TTC7A: variants seen among roughly 807,000 people sequenced by gnomAD.
TTC7A encodes the protein tetratricopeptide repeat domain 7A, also known as tetratricopeptide repeat protein 7A.
A neutral mutation model predicts 103.7 loss-of-function variants in TTC7A; 110 were observed. The observed-to-expected ratio is 1.06, with a 90% CI of 0.91 to 1.24. TTC7A has a LOEUF of 1.24. Ranked by LOEUF, TTC7A falls within the 50% of genes most tolerant of loss-of-function variation. TTC7A has a pLI of 0.00. For synonymous variants in TTC7A, 521 were observed against 467.9 expected (o/e 1.11, Z -1.47); for missense variants, 1,340 against 1,116.3 (o/e 1.20, Z -2.86).
intron 3 of TTC7A, chr2:46,958,618 G>C (rs1285307265): frequency 1.7e-6 from 2 of 1,166,256 alleles, no homozygotes; most frequent in East Asian, 5.8e-5. Flanking sequence ...CCGTTCCCCA[G>C]TGACTGCACA....
At chr2:46,930,599 A>C (rs1669643936) in intron 2 of TTC7A, among the ~76,000 whole-genome samples, 1 of 151,628 alleles carries the variant, frequency 6.6e-6, no homozygotes, top group African/African-American at 2.4e-5. Flanking sequence ...TCCCAGGTTC[A>C]AGCGATTCTC....
chr2:47,070,873 G>A (rs1036486612), intron 19 of TTC7A, among the ~76,000 whole-genome samples: 2 of 152,196 alleles, frequency 1.3e-5, no homozygotes, highest in Non-Finnish European at 2.9e-5. Flanking sequence ...ATCCCTGTGG[G>A]CTGGCAGCAC....
At position 46,944,903 on chromosome 2, in the gene TTC7A, ATTACGTT is replaced by A. The variant is rs533549346; in HGVS notation, c.184+3183_184+3189del. Reference sequence around the variant, plus strand: ...TATTACACCTTACAAAAATCTAACAATTACGTTTTACAATTAGTTATTAGAGTCAGGA... The same window carrying A: ...TATTACACCTTACAAAAATCTAACAATTACAATTAGTTATTAGAGTCAGGA... On this transcript the variant is annotated intron_variant, in intron 1 of 19. Coordinates refer to ENST00000319190, the MANE Select transcript of TTC7A (RefSeq NM_020458.4). 6.0e-3 allele frequency among the ~76,000 whole-genome samples: 907 copies of A among 152,252 alleles called. 10 individuals are homozygous for A. The highest frequency in any genetic ancestry group is 4.1e-3 in the Admixed American group (62 of 15,298).
intron 15 of TTC7A, among the ~76,000 whole-genome samples, chr2:47,044,615 A>T (rs980967718): frequency 2.0e-5 from 3 of 152,146 alleles, no homozygotes; most frequent in African/African-American, 7.2e-5. Context: ...GCATCCTAAG[A>T]ATTGAGAGAG....
At chr2:47,019,899 A>G (rs887210874) in intron 11 of TTC7A, among the ~76,000 whole-genome samples, 23 of 152,208 alleles carry the variant, frequency 1.5e-4, no homozygotes, top group Non-Finnish European at 7.3e-5. Flanking sequence ...CCAGGGGTAT[A>G]TTAGGAAGAA....
At chr2:46,995,798 G>T (rs1461743513) in intron 8 of TTC7A, among the ~76,000 whole-genome samples, 1 of 152,346 alleles carries the variant, frequency 6.6e-6, no homozygotes, top group East Asian at 1.9e-4. Flanking sequence ...CAGAGATGCC[G>T]CAGCAAACAA....
chr2:46,922,756 C>T (rs2103808956), intron 2 of TTC7A, among the ~76,000 whole-genome samples: 1 of 152,234 alleles, frequency 6.6e-6, no homozygotes, highest in East Asian at 1.9e-4. Flanking sequence ...GCTCTTCCCA[C>T]ACTGGAGGAA....
At chr2:47,036,254 A>C (rs758037775) in intron 15 of TTC7A, among the ~76,000 whole-genome samples, 3 of 152,200 alleles carry the variant, frequency 2.0e-5, no homozygotes, top group Admixed American at 6.5e-5. Context: ...GCCCTTCACC[A>C]GGTCAGGGAC....
rs1377951547 is a variant in TTC7A at position 47,007,362 on chromosome 2, A to G, written c.1287+638A>G. 1.3e-5 allele frequency among the ~76,000 whole-genome samples: 2 copies of G among 152,146 alleles called. No homozygotes were observed. The highest frequency in any genetic ancestry group is 2.4e-5 in the African/African-American group (1 of 41,426). ...TTGCTCCGATCAGAATTATACTTAC[A>G]TAAGCCTCTATTTTAAGCAGTGACA... On this transcript the variant is annotated intron_variant, in intron 10 of 19. Coordinates refer to ENST00000319190, the MANE Select transcript of TTC7A (RefSeq NM_020458.4). The surrounding 1 kb of genome is among the most constrained non-coding windows in gnomAD (Gnocchi z 4.9).
chr2:47,004,489 G>A (rs1027268367), intron 8 of TTC7A, among the ~76,000 whole-genome samples: 4 of 152,190 alleles, frequency 2.6e-5, no homozygotes, highest in Admixed American at 1.3e-4. Context: ...GGGTAGCTCT[G>A]ATGAGGGAGA....
chr2:46,927,884 G>GGTTTTT, intron 2 of TTC7A, among the ~76,000 whole-genome samples: 1 of 73,322 alleles, frequency 1.4e-5, no homozygotes, highest in Non-Finnish European at 2.6e-5. Flanking sequence ...TTTTTTTGGT[G>GGTTTTT]TTTTTTTTTT....
intron 2 of TTC7A, among the ~76,000 whole-genome samples, chr2:46,934,963 G>A (rs1278737459): frequency 6.6e-6 from 1 of 151,766 alleles, no homozygotes; most frequent in Non-Finnish European, 1.5e-5. Flanking sequence ...ACCACGTCCA[G>A]CTAATTTTTG....
intron 15 of TTC7A, among the ~76,000 whole-genome samples, chr2:47,038,630 CCCACCCACCCT>C (rs1681398595): frequency 1.2e-3 from 24 of 19,858 alleles, no homozygotes; most frequent in African/African-American, 5.0e-3. Flanking sequence ...GCTGCCACTT[CCCACCCACCCT>C]CCCCCCACCC....
rs746446061 is a variant in TTC7A at position 46,995,161 on chromosome 2, G to A, written c.1027G>A (p.Glu343Lys). 12 of 1,614,168 alleles carry A rather than the reference G, an allele frequency of 7.4e-6. No individual in the cohort carries two copies. Among genetic ancestry groups the A allele is most frequent in the Non-Finnish European group, 8.5e-6 (10 of 1,180,030 alleles). The change falls in exon 8 of 20, where the codon GAG (glutamate) becomes AAG (lysine). Residue 343 changes from glutamate (E) to lysine (K), a missense_variant. Physicochemically the swap from Glu to Lys is moderately conservative, Grantham distance 56. Coordinates refer to ENST00000319190, the MANE Select transcript of TTC7A (RefSeq NM_020458.4). ...DNLYCPKDNIEEALLLLLISE... is the reference protein window; with the variant it reads ...DNLYCPKDNIKEALLLLLISE... ...CCTCTACTGCCCCAAGGACAACATC[G>A]AGGAAGCCCTCCTGCTCCTCCTCAT... is the stretch of plus-strand genomic sequence containing the variant.
At chr2:46,983,823 C>A (rs941444210) in intron 5 of TTC7A, among the ~76,000 whole-genome samples, 1 of 152,118 alleles carries the variant, frequency 6.6e-6, no homozygotes, top group African/African-American at 2.4e-5. Context: ...GTTTGCTGAC[C>A]CCTGCACTAC....
chr2:47,021,712 C>G lies in TTC7A; in HGVS notation c.1393-150C>G, dbSNP rs377291733. On this transcript the variant is annotated intron_variant, in intron 11 of 19. Coordinates refer to ENST00000319190, the MANE Select transcript of TTC7A (RefSeq NM_020458.4). ...AGAACAAAATTTGGGGAGCTGGGAT[C>G]TCTGGGGCAAGGGAAGCTTCTCCCT... The G allele has an allele frequency of 1.0e-4, 71 of 700,438 alleles. 2 individuals carry two copies. Among genetic ancestry groups the G allele is most frequent in the East Asian group, 7.0e-4 (28 of 40,052 alleles). The allele number at this position is 700,438 out of a possible 1,614,324, so 43.4% of individuals were successfully genotyped here. A position where few individuals can be genotyped will look rare whatever the true frequency, so the allele number is the denominator to read the frequency against.
At chr2:47,014,865 G>A (rs941962079) in intron 11 of TTC7A, among the ~76,000 whole-genome samples, 29 of 152,272 alleles carry the variant, frequency 1.9e-4, no homozygotes, top group African/African-American at 6.0e-4. Context: ...GCCCAGAGGC[G>A]GAGCACCTGC....
At chr2:47,011,721 A>T (rs920603468) in intron 11 of TTC7A, among the ~76,000 whole-genome samples, 3 of 152,244 alleles carry the variant, frequency 2.0e-5, no homozygotes, top group Admixed American at 6.5e-5. Context: ...CCTGCCCAGC[A>T]GCAGAGTAGT....
rs138546820 is a variant in TTC7A at position 46,967,238 on chromosome 2, T to C, written c.518-7735T>C. Among the ~76,000 whole-genome samples, 402 of 152,186 alleles carry C rather than the reference T, an allele frequency of 2.6e-3. 9 individuals are homozygous for C. Among genetic ancestry groups the C allele is most frequent in the Admixed American group, 0.023 (352 of 15,272 alleles). ...AAAAAAAAAATGTGTTAAATATACA[T>C]ACCATAGAATTGACCATCTTAACCA... On this transcript the variant is annotated intron_variant, in intron 3 of 19. Transcript: ENST00000319190.
Sources: allele counts gnomAD v4.1 joint callset (sites outside exome capture counted in the v4.1 genomes callset), GRCh38; gene constraint gnomAD v4.1.1; non-coding constraint Gnocchi (gnomAD v3.1); transcripts MANE v1.5; gene names NCBI Gene and HGNC (gene_info 2026-07-23, HGNC 2026-07-21).